Variants in LCTL observed in about 807,000 individuals in gnomAD.
The protein encoded by LCTL is lactase-like protein.
In LCTL, 76 loss-of-function variants were observed where a neutral mutation model predicts 75.8. The ratio of observed to expected loss-of-function variants is 1.00; its 90% CI spans 0.83 to 1.21. The LOEUF is 1.21. Among genes scored for constraint, LCTL ranks in the 50% most tolerant of loss-of-function variants. LCTL has a pLI of 0.00. For synonymous variants in LCTL, 271 were observed against 268.8 expected, an observed-to-expected ratio of 1.01 and a Z score of -0.08; for missense variants, 670 against 712.4, an observed-to-expected ratio of 0.94 and a Z score of 0.68.
rs1214737679 is a variant in LCTL, at chr15:66,565,255, G to A, written c.111C>T (p.Phe37=). ...ACAGAGGCGTGGCCGTACCAAGAGG[G>A]AAGGTTCCATAGTAGAAGGAGGCCT... The change falls in exon 1 of 13, where the codon TTC becomes TTT. Residue 37 remains phenylalanine, a synonymous_variant. Coordinates refer to ENST00000341509, the Ensembl canonical transcript of LCTL. The A allele has an allele frequency of 1.9e-6, 3 of 1,607,308 alleles. No homozygotes were observed. In the South Asian group the frequency reaches 3.3e-5, roughly 18 times the overall value.
In LCTL at chr15:66,564,617, A is replaced by G. The variant is rs891326246; in HGVS notation, c.282+59T>C. 9 of 1,554,786 alleles carry G rather than the reference A, an allele frequency of 5.8e-6. No homozygotes were observed. In the African/African-American group the frequency reaches 1.2e-4, roughly 21 times the overall value. On this transcript the variant is annotated intron_variant, in intron 2 of 12. Transcript: ENST00000341509. ...GTCACTCCCTGCCTCCCAGCTAGGC[A>G]TGTACTCACATGTGTGTGCACGCGC... is the stretch of plus-strand genomic sequence containing the variant.
intron 6 of LCTL, among the ~76,000 whole-genome samples, chr15:66,560,298 G>A (rs751851454): frequency 1.3e-5 from 2 of 152,054 alleles, no homozygotes; most frequent in Admixed American, 1.3e-4. Flanking sequence ...TCGTATCCCT[G>A]TTCTCCAGTT....
chr15:66,551,865 C>T lies in LCTL; in HGVS notation c.1325-4G>A. ...ATATTAGCACCATCTTTTATAGCTG[C>T]AAAGACATTTTATTCCATTTTAAAT... On this transcript the variant is annotated splice_region_variant and splice_polypyrimidine_tract_variant and intron_variant, in intron 10 of 12. Coordinates refer to ENST00000341509, the Ensembl canonical transcript of LCTL. The T allele has an allele frequency of 1.9e-6, 3 of 1,601,310 alleles. No homozygotes were observed. The highest frequency in any genetic ancestry group is 2.6e-6 in the Non-Finnish European group (3 of 1,173,592).
chr15:66,553,754 C>CAAA (rs35718768), intron 8 of LCTL, among the ~76,000 whole-genome samples: 39 of 73,078 alleles, frequency 5.3e-4, no homozygotes, highest in Non-Finnish European at 8.1e-4. Flanking sequence ...GACTCCATCT[C>CAAA]AAAAAAAAAA....
At chr15:66,564,642 C>T (rs112703933) in intron 2 of LCTL, 34 bp downstream of exon 3, 51,869 of 1,600,490 alleles carry the variant, frequency 0.032, 2,033 homozygotes, top group African/African-American at 0.15. Flanking sequence ...TGTGCACGCG[C>T]GCGCACACAC....
chr15:66,552,861 T>C, intron 9 of LCTL, 123 bp downstream of exon 10: 1 of 843,136 alleles, frequency 1.2e-6, no homozygotes, highest in Non-Finnish European at 1.7e-6. Flanking sequence ...TAGTAGCCTC[T>C]GAAGTATGAG....
chr15:66,556,724 A>G (rs1895747891), intron 8 of LCTL, among the ~76,000 whole-genome samples: 1 of 152,236 alleles, frequency 6.6e-6, no homozygotes, highest in African/African-American at 2.4e-5. Context: ...CAAATACTGT[A>G]TGATTCCACT....
chr15:66,563,550 G>A (rs1295061898), exon 4 of LCTL: 15 of 1,612,382 alleles, frequency 9.3e-6, no homozygotes, highest in Non-Finnish European at 1.3e-5. Flanking sequence ...GGTCACGATG[G>A]GAGTGATGTT....
At position 66,557,536 on chromosome 15, in the gene LCTL, A is replaced by G. The variant is rs374553475; in HGVS notation, c.922+186T>C. Among the ~76,000 whole-genome samples the G allele has an allele frequency of 8.5e-5, 13 of 152,182 alleles. No individual in the cohort carries two copies. In the East Asian group the frequency reaches 1.7e-3, roughly 20 times the overall value. On this transcript the variant is annotated intron_variant, in intron 8 of 12. Transcript: ENST00000341509. ...ATTCTCAATTTCCAAGTCTAGGGAA[A>G]TTGAGAGGTCTAGGGTTCCTCCCTG... is the stretch of plus-strand genomic sequence containing the variant.
chr15:66,564,169 A>G, intron 2 of LCTL, 171 bp from the exon 4 acceptor site: 1 of 612,646 alleles, frequency 1.6e-6, no homozygotes, highest in Non-Finnish European at 2.9e-6. Context: ...CACTTCATGC[A>G]GGGGATATGC....
chr15:66,550,084 T>C (rs1895541271), exon 12 of LCTL: 38 of 1,604,742 alleles, frequency 2.4e-5, no homozygotes, highest in Non-Finnish European at 3.2e-5. Context: ...TTTCCAAAGC[T>C]TTGAGGTACC....
intron 8 of LCTL, among the ~76,000 whole-genome samples, chr15:66,555,044 T>TA (rs1895708678): frequency 6.6e-6 from 1 of 152,184 alleles, no homozygotes; most frequent in Non-Finnish European, 1.5e-5. Context: ...TGAATTGATC[T>TA]AAAATATAAC....
intron 6 of LCTL, among the ~76,000 whole-genome samples, chr15:66,559,658 A>G (rs1314067046): frequency 6.6e-6 from 1 of 152,218 alleles, no homozygotes; most frequent in Non-Finnish European, 1.5e-5. Flanking sequence ...CAGTGAGCCG[A>G]GATCGTGCCA....
At chr15:66,561,267 A>G (rs1288074610) in exon 5 of LCTL, 2 of 1,614,228 alleles carry the variant, frequency 1.2e-6, no homozygotes, top group South Asian at 1.1e-5. Flanking sequence ...TCTCTGAAGT[A>G]GTTGGCCATG....
intron 12 of LCTL, 181 bp downstream of exon 13, chr15:66,549,860 T>G (rs749557379): frequency 3.1e-4 from 145 of 462,302 alleles, no homozygotes; most frequent in Admixed American, 9.3e-4. Context: ...TCATGGTAGA[T>G]TAAATGCTTT....
At chr15:66,553,583 A>C (rs543707425) in intron 8 of LCTL, among the ~76,000 whole-genome samples, 1 of 151,448 alleles carries the variant, frequency 6.6e-6, no homozygotes, top group African/African-American at 2.4e-5. Flanking sequence ...GTGAAACCCC[A>C]TCTCTACTAA....
intron 9 of LCTL, among the ~76,000 whole-genome samples, chr15:66,552,449 T>A (rs2140835549): frequency 6.6e-6 from 1 of 152,078 alleles, no homozygotes; most frequent in East Asian, 1.9e-4. Context: ...GGTGGGCAGA[T>A]CACCTAAGGT....
intron 6 of LCTL, among the ~76,000 whole-genome samples, chr15:66,560,022 G>T (rs895516890): frequency 1.3e-5 from 2 of 152,146 alleles, no homozygotes; most frequent in Non-Finnish European, 2.9e-5. Flanking sequence ...GGGAGGCGGA[G>T]GTTGCAGTGA....
Position 66,553,314 on chromosome 15 carries a change from G to A in LCTL, c.923-56C>T. 9.4e-6 allele frequency: 13 copies of A among 1,381,942 alleles called. No individual in the cohort carries two copies. The South Asian group carries it at 2.0e-4, about 22-fold the overall frequency. The allele number at this position is 1,381,942 out of a possible 1,614,324, so 85.6% of individuals were successfully genotyped here. A position where few individuals can be genotyped will look rare whatever the true frequency, so the allele number is the denominator to read the frequency against. Reference sequence around the variant, plus strand: ...AGCCTTATTTTCTCCCAATCACTGTGTTATGTATCATGACGATAGTGACAT... The same window carrying A: ...AGCCTTATTTTCTCCCAATCACTGTATTATGTATCATGACGATAGTGACAT... On this transcript the variant is annotated intron_variant, in intron 8 of 12. Coordinates refer to ENST00000341509, the Ensembl canonical transcript of LCTL.
Sources: gnomAD v4.1 joint callset for allele counts (sites outside exome capture counted in the v4.1 genomes callset) on GRCh38, gnomAD v4.1.1 for gene constraint, MANE v1.5 for transcripts, NCBI Gene and HGNC (gene_info 2026-07-23, HGNC 2026-07-21) for gene names.